ASTN2: variants seen among roughly 807,000 people sequenced by gnomAD.
The protein encoded by ASTN2 is astrotactin-2.
Under a neutral mutation model 139.8 loss-of-function variants are expected in ASTN2, and 54 were observed. The ratio of observed to expected loss-of-function variants is 0.39; its 90% CI spans 0.31 to 0.48. The LOEUF (loss-of-function observed/expected upper bound fraction) is 0.48. ASTN2 is among the 20% of genes least tolerant of loss of function. The pLI is 0.95. For synonymous variants in ASTN2, 756 were observed against 719.5 expected (o/e 1.05, Z -0.81); for missense variants, 1,565 against 1,725.1 (o/e 0.91, Z 1.64).
chr9:116,430,026 C>A (rs1329550222), intron 22 of ASTN2, among the ~76,000 whole-genome samples: 1 of 152,112 alleles, frequency 6.6e-6, no homozygotes, highest in East Asian at 1.9e-4. Context: ...AATAGGGAGA[C>A]CAGTGAGCTT....
intron 17 of ASTN2, among the ~76,000 whole-genome samples, chr9:116,630,159 C>T (rs941713365): frequency 3.3e-5 from 5 of 152,070 alleles, no homozygotes; most frequent in Admixed American, 3.3e-4. Flanking sequence ...TTTGATAATC[C>T]TATTGGTGTC....
intron 7 of ASTN2, among the ~76,000 whole-genome samples, chr9:116,984,419 C>T (rs1836617329): frequency 6.6e-6 from 1 of 152,204 alleles, no homozygotes; most frequent in Admixed American, 6.5e-5. Context: ...ATTTTTCCAA[C>T]CTTATCAATA....
intron 11 of ASTN2, among the ~76,000 whole-genome samples, chr9:116,851,678 A>G (rs1401048157): frequency 1.3e-5 from 2 of 152,120 alleles, no homozygotes; most frequent in Admixed American, 6.5e-5. Context: ...TAATTAAAAA[A>G]AAACACGTTT....
chr9:116,628,166 A>G (rs1018302704), intron 17 of ASTN2, among the ~76,000 whole-genome samples: 1 of 152,242 alleles, frequency 6.6e-6, no homozygotes, highest in Non-Finnish European at 1.5e-5. Flanking sequence ...AAAATATCAT[A>G]TGAAATTGCA....
intron 10 of ASTN2, among the ~76,000 whole-genome samples, chr9:116,948,992 T>C (rs1835483831): frequency 6.6e-6 from 1 of 151,700 alleles, no homozygotes. Flanking sequence ...GGTTTCACCA[T>C]GTTGGTCAGG....
At chr9:117,033,264 T>A (rs1838298212) in intron 6 of ASTN2, among the ~76,000 whole-genome samples, 2 of 152,112 alleles carry the variant, frequency 1.3e-5, no homozygotes, top group South Asian at 4.1e-4. Context: ...TGTAAAAATG[T>A]GGTCATCTAT....
chr9:117,201,715 G>T (rs1831727008), intron 3 of ASTN2, among the ~76,000 whole-genome samples: 1 of 152,084 alleles, frequency 6.6e-6, no homozygotes, highest in African/African-American at 2.4e-5. Flanking sequence ...TGTTTGTTAT[G>T]ATTTCAGTTC....
At position 117,008,087 on chromosome 9, in the gene ASTN2, C is replaced by A; in HGVS notation, c.1591+5G>T. The A allele has an allele frequency of 6.3e-7, 1 of 1,586,060 alleles. No individual in the cohort carries two copies. Among genetic ancestry groups the A allele is most frequent in the Non-Finnish European group, 8.6e-7 (1 of 1,164,818 alleles). Reference sequence around the variant, plus strand: ...TCTATCCCCATCCCGGCTCCCATGGCTCACCGGTTTCTGGGTCGCAGAGCT... The same window carrying A: ...TCTATCCCCATCCCGGCTCCCATGGATCACCGGTTTCTGGGTCGCAGAGCT... On this transcript the variant is annotated splice_donor_5th_base_variant and intron_variant, in intron 7 of 22. Transcript: ENST00000313400.
At chr9:117,130,058 G>A (rs1295845147) in intron 4 of ASTN2, among the ~76,000 whole-genome samples, 1 of 152,144 alleles carries the variant, frequency 6.6e-6, no homozygotes, top group East Asian at 1.9e-4. Flanking sequence ...TGTAATCCCA[G>A]CAATTTGGGA....
chr9:116,638,170 GAGA>G (rs1196154741), intron 17 of ASTN2, among the ~76,000 whole-genome samples: 2 of 152,140 alleles, frequency 1.3e-5, no homozygotes, highest in African/African-American at 4.8e-5. Flanking sequence ...ATGAAATGTA[GAGA>G]AGGAGGAATA....
At chr9:117,132,017 A>G (rs1483693995) in intron 4 of ASTN2, among the ~76,000 whole-genome samples, 2 of 152,174 alleles carry the variant, frequency 1.3e-5, no homozygotes, top group African/African-American at 4.8e-5. Context: ...GATTTCACAA[A>G]TTAGAGGACT....
chr9:117,396,453 T>A (rs1830678898), intron 1 of ASTN2, among the ~76,000 whole-genome samples: 1 of 152,226 alleles, frequency 6.6e-6, no homozygotes, highest in African/African-American at 2.4e-5. Context: ...CAGACCTGCT[T>A]ATGCTCATTA....
chr9:116,424,564 A>T lies in ASTN2; in HGVS notation c.*1287T>A, dbSNP rs1404308885. 6.7e-6 allele frequency among the ~76,000 whole-genome samples: 1 copy of T among 148,454 alleles called. No homozygotes were observed. Among genetic ancestry groups the T allele is most frequent in the African/African-American group, 2.5e-5 (1 of 40,262 alleles). On this transcript the variant is annotated 3_prime_UTR_variant, in exon 23 of 23. Coordinates refer to ENST00000313400, the MANE Select transcript of ASTN2 (RefSeq NM_001365068.1). ...GTCTCTTGTCTCTGGGCTTTTGTTC[A>T]TATCTCTTCTTCCTGGAGCAAATTC... is the stretch of plus-strand genomic sequence containing the variant.
At chr9:116,577,521 A>C (rs1570198) in intron 19 of ASTN2, among the ~76,000 whole-genome samples, 1 of 151,450 alleles carries the variant, frequency 6.6e-6, no homozygotes, top group African/African-American at 2.4e-5. Context: ...AACAGAATGA[A>C]ACTGTGTCTC....
intron 4 of ASTN2, among the ~76,000 whole-genome samples, chr9:117,113,805 A>G (rs1297020095): frequency 6.6e-6 from 1 of 152,232 alleles, no homozygotes; most frequent in Non-Finnish European, 1.5e-5. Context: ...ATTCCAGAAA[A>G]GACAAATCTA....
intron 22 of ASTN2, among the ~76,000 whole-genome samples, chr9:116,438,084 C>A (rs1016871175): frequency 5.9e-5 from 9 of 152,150 alleles, no homozygotes; most frequent in Non-Finnish European, 1.5e-5. Flanking sequence ...CCTACATGGT[C>A]ATTTTGAAGT....
chr9:117,192,456 AAC>A (rs967790517), intron 3 of ASTN2, among the ~76,000 whole-genome samples: 4 of 152,184 alleles, frequency 2.6e-5, no homozygotes, highest in Non-Finnish European at 5.9e-5. Context: ...CCTATTTTCA[AAC>A]ACAGATATTG....
chr9:116,885,595 C>T (rs141012740), intron 10 of ASTN2, among the ~76,000 whole-genome samples: 9 of 152,190 alleles, frequency 5.9e-5, no homozygotes, highest in East Asian at 5.8e-4. Context: ...GAACCCCAGA[C>T]GCAGAGGTTG....
intron 3 of ASTN2, among the ~76,000 whole-genome samples, chr9:117,200,069 T>C (rs1274775713): frequency 1.3e-5 from 2 of 150,546 alleles, no homozygotes; most frequent in Non-Finnish European, 3.0e-5. Context: ...TTTTTTATTA[T>C]TATTATTTTT....
Sources: allele counts gnomAD v4.1 joint callset (sites outside exome capture counted in the v4.1 genomes callset), GRCh38; gene constraint gnomAD v4.1.1; transcripts MANE v1.5; gene names NCBI Gene and HGNC (gene_info 2026-07-23, HGNC 2026-07-21).